Variants in L2HGDH observed in about 807,000 individuals in gnomAD.
L2HGDH encodes the protein L-2-hydroxyglutarate dehydrogenase, mitochondrial.
In L2HGDH, 34 loss-of-function variants were observed where a neutral mutation model predicts 51.5. The observed-to-expected ratio is 0.66, with a 90% CI of 0.50 to 0.88. L2HGDH has a LOEUF of 0.88. Ranked by LOEUF, L2HGDH falls within the 40% of genes least tolerant of loss-of-function variation. The pLI is 0.00. For missense variants in L2HGDH, 558 were observed against 571.9 expected (o/e 0.98, Z 0.25); for synonymous variants, 198 against 197.9 (o/e 1.00, Z -0.01).
chr14:50,245,514 T>C lies in L2HGDH; in HGVS notation c.*1544A>G, dbSNP rs146960572. 2,298 of 972,460 alleles carry C rather than the reference T, an allele frequency of 2.4e-3. 8 individuals carry two copies. The Middle Eastern group carries it at 0.025, about 11-fold the overall frequency. 60.2% of individuals were successfully genotyped at this position (972,460 alleles called of 1,614,324 possible). On this transcript the variant is annotated 3_prime_UTR_variant, in exon 10 of 10. Transcript: ENST00000267436. ...TGTTATTTCCTACAAATATTATAAT[T>C]AAGATAGAAACTTATTCAAACTACT...
At chr14:50,266,276 C>A (rs1359235284) in intron 8 of L2HGDH, among the ~76,000 whole-genome samples, 4 of 152,166 alleles carry the variant, frequency 2.6e-5, no homozygotes, top group Non-Finnish European at 4.4e-5. Flanking sequence ...GCCTTCAACA[C>A]ACCTAAAAGG....
At chr14:50,278,711 C>G (rs527644529) in intron 5 of L2HGDH, among the ~76,000 whole-genome samples, 157 bp from the exon 6 acceptor site, 3 of 152,310 alleles carry the variant, frequency 2.0e-5, no homozygotes, top group African/African-American at 7.2e-5. Flanking sequence ...AACAATTAAA[C>G]TAGTTCATAC....
At chr14:50,248,329 A>C (rs1294231977) in intron 9 of L2HGDH, among the ~76,000 whole-genome samples, 2 of 152,252 alleles carry the variant, frequency 1.3e-5, no homozygotes, top group Non-Finnish European at 1.5e-5. Flanking sequence ...ATTTTTTACT[A>C]ATTCTGGGAC....
Position 50,246,765 on chromosome 14 carries a change from A to G in L2HGDH, c.*293T>C. On this transcript the variant is annotated 3_prime_UTR_variant, in exon 10 of 10. Transcript: ENST00000267436. ...TTATTATTTTCTTGCTCTGTCACCCAGGCTGGAGTGCAGTGGTGCAATCTC... is the reference window on the plus strand; with the variant it reads ...TTATTATTTTCTTGCTCTGTCACCCGGGCTGGAGTGCAGTGGTGCAATCTC... 3.7e-6 allele frequency: 1 copy of G among 270,774 alleles called. No homozygotes were observed. The highest frequency in any genetic ancestry group is 8.2e-5 in the East Asian group (1 of 12,242). 16.8% of individuals were successfully genotyped at this position (270,774 alleles called of 1,614,324 possible).
chr14:50,249,432 G>A (rs1382813947), intron 9 of L2HGDH, among the ~76,000 whole-genome samples: 1 of 152,212 alleles, frequency 6.6e-6, no homozygotes, highest in African/African-American at 2.4e-5. Flanking sequence ...AAAGAGTAAA[G>A]AGGACCGTCT....
rs1459928823 is a variant in L2HGDH at position 50,304,821 on chromosome 14, C to T, written c.141-1804G>A. Among the ~76,000 whole-genome samples the T allele has an allele frequency of 3.3e-5, 5 of 151,838 alleles. No homozygotes were observed. In the East Asian group the frequency reaches 5.8e-4, roughly 18 times the overall value. On this transcript the variant is annotated intron_variant, in intron 1 of 9. Transcript: ENST00000267436. ...CTGCACTCCAGCCTGGGCGACAGAG[C>T]GAGACTCTGTCTCAAAAAAAAAATT...
At chr14:50,302,350 C>G (rs931125535) in intron 2 of L2HGDH, among the ~76,000 whole-genome samples, 182 bp from the exon 3 acceptor site, 55 of 152,192 alleles carry the variant, frequency 3.6e-4, no homozygotes, top group African/African-American at 1.3e-3. Flanking sequence ...ATCCCTCCAG[C>G]CCATCTCTGA....
At chr14:50,256,686 T>C (rs1888683850) in intron 9 of L2HGDH, among the ~76,000 whole-genome samples, 1 of 152,172 alleles carries the variant, frequency 6.6e-6, no homozygotes, top group Non-Finnish European at 1.5e-5. Context: ...CTAAGGTTTC[T>C]ATCTCCTCTT....
chr14:50,269,805 T>C (rs1213381013), intron 6 of L2HGDH, among the ~76,000 whole-genome samples: 1 of 152,144 alleles, frequency 6.6e-6, no homozygotes, highest in African/African-American at 2.4e-5. Flanking sequence ...TATGAGGATT[T>C]ACCCAATCAG....
chr14:50,269,469 C>T (rs1319225983), intron 6 of L2HGDH, 139 bp from the exon 7 acceptor site: 6 of 749,626 alleles, frequency 8.0e-6, no homozygotes, highest in Non-Finnish European at 1.3e-5. Flanking sequence ...CAGGTATCAG[C>T]AAAATATGTT....
At position 50,242,625 on chromosome 14, in the gene L2HGDH, G is replaced by A; in HGVS notation, c.*4433C>T. On this transcript the variant is annotated 3_prime_UTR_variant, in exon 10 of 10. Transcript: ENST00000267436. ...TATTTCCATTCTTAAGCTATTTAAT[G>A]AGTACAAACTATTTGAAAACATCTC... 1.0e-6 allele frequency: 1 copy of A among 985,162 alleles called. No individual in the cohort carries two copies. The highest frequency in any genetic ancestry group is 1.2e-6 in the Non-Finnish European group (1 of 829,716). 61.0% of individuals were successfully genotyped at this position (985,162 alleles called of 1,614,324 possible). A position where few individuals can be genotyped will look rare whatever the true frequency, so the allele number is the denominator to read the frequency against.
At chr14:50,304,830 G>A (rs1428286636) in intron 1 of L2HGDH, among the ~76,000 whole-genome samples, 1 of 151,818 alleles carries the variant, frequency 6.6e-6, no homozygotes, top group Non-Finnish European at 1.5e-5. Context: ...GCGAGACTCT[G>A]TCTCAAAAAA....
In L2HGDH at chr14:50,245,205, T is replaced by C; in HGVS notation, c.*1853A>G. ...GGAGCCCTGAAAAATCAAGTACGTA[T>C]GAATCATTACCAATCTTGGCCAACA... On this transcript the variant is annotated 3_prime_UTR_variant, in exon 10 of 10. Coordinates refer to ENST00000267436, the MANE Select transcript of L2HGDH (RefSeq NM_024884.3). The C allele has an allele frequency of 1.0e-6, 1 of 985,264 alleles. No homozygotes were observed. The highest frequency in any genetic ancestry group is 1.2e-6 in the Non-Finnish European group (1 of 829,738). The allele number at this position is 985,264 out of a possible 1,614,324, so 61.0% of individuals were successfully genotyped here.
chr14:50,275,376 T>C (rs929457548), intron 6 of L2HGDH, among the ~76,000 whole-genome samples: 1 of 152,194 alleles, frequency 6.6e-6, no homozygotes, highest in Non-Finnish European at 1.5e-5. Flanking sequence ...ACTTCCATCA[T>C]AGAAAAGGTA....
chr14:50,245,620 TGA>T lies in L2HGDH; in HGVS notation c.*1436_*1437del. 1 of 974,854 alleles carries T rather than the reference TGA, an allele frequency of 1.0e-6. No individual in the cohort carries two copies. The highest frequency in any genetic ancestry group is 1.2e-6 in the Non-Finnish European group (1 of 820,284). The allele number at this position is 974,854 out of a possible 1,614,324, so 60.4% of individuals were successfully genotyped here. On this transcript the variant is annotated 3_prime_UTR_variant, in exon 10 of 10. Coordinates refer to ENST00000267436, the MANE Select transcript of L2HGDH (RefSeq NM_024884.3). Reference sequence around the variant, plus strand: ...ACAAATATTGTTGCTCTAAATAATGTGAGTTTTGTGACTCTTCAAAATTAAAA... The same window carrying T: ...ACAAATATTGTTGCTCTAAATAATGTGTTTTGTGACTCTTCAAAATTAAAA...
chr14:50,245,036 T>A lies in L2HGDH; in HGVS notation c.*2022A>T, dbSNP rs968948020. ...ATTTCGATAGATACCACAAAACACA[T>A]ATATACAGGATATACCACAGCACTG... On this transcript the variant is annotated 3_prime_UTR_variant, in exon 10 of 10. Transcript: ENST00000267436. 71 of 985,636 alleles carry A rather than the reference T, an allele frequency of 7.2e-5. No homozygotes were observed. Among genetic ancestry groups the A allele is most frequent in the Non-Finnish European group, 8.6e-5 (71 of 829,894 alleles). The allele number at this position is 985,636 out of a possible 1,614,324, so 61.1% of individuals were successfully genotyped here. A position where few individuals can be genotyped will look rare whatever the true frequency, so the allele number is the denominator to read the frequency against.
At chr14:50,304,759 C>G (rs986331294) in intron 1 of L2HGDH, among the ~76,000 whole-genome samples, 77 of 152,086 alleles carry the variant, frequency 5.1e-4, no homozygotes, top group Admixed American at 1.5e-3. Flanking sequence ...GGCGTGAACC[C>G]AGGAGGCGGA....
intron 4 of L2HGDH, 87 bp from the exon 5 acceptor site, chr14:50,284,120 C>T (rs1890431702): frequency 9.8e-6 from 13 of 1,330,044 alleles, no homozygotes; most frequent in South Asian, 1.3e-5. Context: ...ACAATTTTGT[C>T]CTTTAGAGGA....
Position 50,302,075 on chromosome 14 carries a change from G to A in L2HGDH, c.350C>T (p.Ala117Val), listed in dbSNP as rs2030443099. 6.2e-7 allele frequency: 1 copy of A among 1,613,982 alleles called. No individual in the cohort carries two copies. The change falls in exon 3 of 10, where the codon GCA (alanine) becomes GTA (valine). Residue 117 changes from alanine to valine, a missense_variant. By Grantham distance (64) the Ala-to-Val change is moderately conservative. Around this residue, in one of 3 missense-constraint regions of L2HGDH, gnomAD observed 194 missense variants for 187.2 expected, o/e 1.04. Transcript: ENST00000267436. ...CTGACAGTACTCATAGAGGAGGGCT[G>A]CACCTTGTACACATAATTTGGCTTT... ...SLKAKLCVQG[A>V]ALLYEYCQQK...
Sources: gnomAD v4.1 joint callset for allele counts (sites outside exome capture counted in the v4.1 genomes callset) on GRCh38, gnomAD v4.1.1 for gene constraint, gnomAD v4.1.1 regional missense constraint, MANE v1.5 for transcripts, NCBI Gene and HGNC (gene_info 2026-07-23, HGNC 2026-07-21) for gene names.